Variants in KATNBL1 observed in about 807,000 individuals in gnomAD.
KATNBL1 encodes katanin regulatory subunit B1 like 1.
Under a neutral mutation model 44.7 loss-of-function variants are expected in KATNBL1, and 28 were observed. The ratio of observed to expected loss-of-function variants is 0.63; its 90% CI spans 0.46 to 0.86. The LOEUF is 0.86. KATNBL1 is among the 40% of genes least tolerant of loss of function. The pLI, the probability that KATNBL1 is intolerant of heterozygous loss-of-function variation, is 0.00. For synonymous variants in KATNBL1, 78 were observed against 114.9 expected (o/e 0.68, Z 2.06); for missense variants, 272 against 350.7 (o/e 0.78, Z 1.79).
intron 2 of KATNBL1, among the ~76,000 whole-genome samples, chr15:34,156,836 A>T (rs946351971): frequency 5.3e-5 from 8 of 152,224 alleles, no homozygotes; most frequent in Admixed American, 4.6e-4. Flanking sequence ...AGTTAGGGGA[A>T]GCTGTTCCTT....
intron 2 of KATNBL1, among the ~76,000 whole-genome samples, chr15:34,160,677 G>A (rs1368586464): frequency 1.3e-5 from 2 of 151,928 alleles, no homozygotes; most frequent in East Asian, 3.9e-4. Context: ...TAGGCCTAGG[G>A]GACTATCAGG....
At chr15:34,149,295 T>C (rs1888398058) in intron 4 of KATNBL1, among the ~76,000 whole-genome samples, 1 of 152,212 alleles carries the variant, frequency 6.6e-6, no homozygotes, top group Non-Finnish European at 1.5e-5. Context: ...ATATGTATCT[T>C]TCCAGACCAT....
At chr15:34,189,270 C>T (rs1011123953) in intron 1 of KATNBL1, among the ~76,000 whole-genome samples, 7 of 152,200 alleles carry the variant, frequency 4.6e-5, no homozygotes, top group East Asian at 1.9e-4. Flanking sequence ...GTTATCCGCC[C>T]GCCTCAGCCT....
chr15:34,204,955 T>C (rs1017512785), intron 1 of KATNBL1, among the ~76,000 whole-genome samples: 1 of 151,928 alleles, frequency 6.6e-6, no homozygotes, highest in Non-Finnish European at 1.5e-5. Flanking sequence ...ATTATTTATA[T>C]GGCAGTTGTG....
intron 1 of KATNBL1, among the ~76,000 whole-genome samples, chr15:34,200,301 G>T (rs1890145916): frequency 2.0e-5 from 3 of 151,836 alleles, no homozygotes; most frequent in African/African-American, 7.3e-5. Flanking sequence ...CTCCCAGGCT[G>T]GAGTGCAGTG....
Position 34,209,998 on chromosome 15 carries a change from G to A in KATNBL1, c.-62C>T, listed in dbSNP as rs1301093434. 1.3e-5 allele frequency: 2 copies of A among 151,584 alleles called. No homozygotes were observed. The highest frequency in any genetic ancestry group is 2.9e-5 in the Non-Finnish European group (2 of 67,848). The allele number at this position is 151,584 out of a possible 1,614,324, so 9.4% of individuals were successfully genotyped here. On this transcript the variant is annotated 5_prime_UTR_variant, in exon 1 of 10. Coordinates refer to ENST00000256544, the MANE Select transcript of KATNBL1 (RefSeq NM_024713.3). ...GCCTCAGCCCAGCCTCGGCGCTGAC[G>A]ACCAGCGCCCGGCAGCCTAGAGAGT...
chr15:34,149,153 A>G (rs1454343637), intron 4 of KATNBL1, among the ~76,000 whole-genome samples: 1 of 152,234 alleles, frequency 6.6e-6, no homozygotes, highest in African/African-American at 2.4e-5. Context: ...TTTATTGTTA[A>G]GTAATGAAGT....
intron 1 of KATNBL1, among the ~76,000 whole-genome samples, chr15:34,204,821 T>C (rs1002816204): frequency 6.6e-6 from 1 of 151,574 alleles, no homozygotes; most frequent in Non-Finnish European, 1.5e-5. Context: ...AATAAAAAGG[T>C]AGTTGGCTAA....
intron 1 of KATNBL1, among the ~76,000 whole-genome samples, chr15:34,185,450 C>G (rs1889691915): frequency 1.3e-5 from 2 of 152,180 alleles, no homozygotes; most frequent in Admixed American, 1.3e-4. Context: ...GACTGCAAAA[C>G]TTCTCTTGGG....
At chr15:34,195,522 T>C (rs1479619691) in intron 1 of KATNBL1, among the ~76,000 whole-genome samples, 1 of 151,992 alleles carries the variant, frequency 6.6e-6, no homozygotes, top group Non-Finnish European at 1.5e-5. Context: ...CCTCCTGACT[T>C]CACCACATGC....
At chr15:34,195,322 A>G (rs1889999263) in intron 1 of KATNBL1, among the ~76,000 whole-genome samples, 2 of 152,232 alleles carry the variant, frequency 1.3e-5, no homozygotes, top group Admixed American at 1.3e-4. Context: ...GGAGGCCATT[A>G]TCTCAAGTAA....
At chr15:34,186,278 T>C (rs1354409030) in intron 1 of KATNBL1, among the ~76,000 whole-genome samples, 3 of 152,270 alleles carry the variant, frequency 2.0e-5, no homozygotes, top group Middle Eastern at 3.4e-3. Context: ...ATGAAGCCAG[T>C]GGGAGCCCCG....
At chr15:34,150,454 TGTG>T (rs1373890955) in intron 4 of KATNBL1, among the ~76,000 whole-genome samples, 1 of 151,886 alleles carries the variant, frequency 6.6e-6, no homozygotes, top group Admixed American at 6.6e-5. Flanking sequence ...ATCAGCTGGG[TGTG>T]GTGGCACATG....
intron 2 of KATNBL1, among the ~76,000 whole-genome samples, chr15:34,160,541 G>T (rs1420285422): frequency 6.6e-6 from 1 of 152,010 alleles, no homozygotes; most frequent in Non-Finnish European, 1.5e-5. Flanking sequence ...GAATTTTACA[G>T]GTCTTTCATC....
rs1888136694 is a variant in KATNBL1 at position 34,140,962 on chromosome 15, A to G, written c.*1377T>C. On this transcript the variant is annotated 3_prime_UTR_variant, in exon 10 of 10. Transcript: ENST00000256544. ...AGCAAGAAATCTGCTTGAGATTCGT[A>G]TCAGTAGTCATTAAACGAATAAATG... is the stretch of plus-strand genomic sequence containing the variant. The G allele has an allele frequency of 6.6e-6, 1 of 152,186 alleles. No individual in the cohort carries two copies. The highest frequency in any genetic ancestry group is 2.4e-5 in the African/African-American group (1 of 41,468). 9.4% of individuals were successfully genotyped at this position (152,186 alleles called of 1,614,324 possible). A position where few individuals can be genotyped will look rare whatever the true frequency, so the allele number is the denominator to read the frequency against.
At chr15:34,148,474 G>A in intron 5 of KATNBL1, 158 bp downstream of exon 5, 1 of 527,812 alleles carries the variant, frequency 1.9e-6, no homozygotes, top group South Asian at 2.2e-5. Context: ...TGTACTCTCA[G>A]CTACTCAGGA....
intron 1 of KATNBL1, among the ~76,000 whole-genome samples, chr15:34,181,820 C>A (rs1193833692): frequency 2.9e-5 from 3 of 104,112 alleles, no homozygotes; most frequent in Non-Finnish European, 4.1e-5. Context: ...ATATACATGT[C>A]CATATATATC....
intron 1 of KATNBL1, among the ~76,000 whole-genome samples, chr15:34,187,866 C>T (rs974269269): frequency 6.6e-6 from 1 of 152,104 alleles, no homozygotes; most frequent in African/African-American, 2.4e-5. Flanking sequence ...AGGCCAGGCA[C>T]GGTGGCTCAC....
intron 1 of KATNBL1, among the ~76,000 whole-genome samples, chr15:34,164,332 G>T (rs933014530): frequency 7.3e-5 from 11 of 151,712 alleles, no homozygotes; most frequent in African/African-American, 2.7e-4. Flanking sequence ...GGTGTATAAG[G>T]TGGTGGTATC....
Sources: gnomAD v4.1 joint callset for allele counts (sites outside exome capture counted in the v4.1 genomes callset) on GRCh38, gnomAD v4.1.1 for gene constraint, MANE v1.5 for transcripts, NCBI Gene and HGNC (gene_info 2026-07-23, HGNC 2026-07-21) for gene names.